PPP1R9A: variants seen among roughly 807,000 people sequenced by gnomAD.
PPP1R9A encodes protein phosphatase 1 regulatory subunit 9A, also known as neurabin-1.
A neutral mutation model predicts 141.9 loss-of-function variants in PPP1R9A; 59 were observed. The ratio of observed to expected loss-of-function variants is 0.42; its 90% CI spans 0.34 to 0.52. The LOEUF is 0.52. Ranked by LOEUF, PPP1R9A falls within the 20% of genes least tolerant of loss-of-function variation. The pLI is 0.10. For synonymous variants in PPP1R9A, 500 were observed against 569.7 expected, an observed-to-expected ratio of 0.88 and a Z score of 1.74; for missense variants, 1,444 against 1,611.9, an observed-to-expected ratio of 0.90 and a Z score of 1.78.
chr7:95,157,741 T>G (rs142768755), intron 4 of PPP1R9A, among the ~76,000 whole-genome samples: 1 of 152,362 alleles, frequency 6.6e-6, no homozygotes, highest in African/African-American at 2.4e-5. Context: ...AAGAATATGT[T>G]GCCCTACTTT....
chr7:94,998,498 A>G (rs189085474), intron 2 of PPP1R9A, among the ~76,000 whole-genome samples: 26 of 152,206 alleles, frequency 1.7e-4, no homozygotes, highest in Admixed American at 5.2e-4. Flanking sequence ...TTTCTTAGTC[A>G]GCTTGATTTT....
chr7:95,061,910 G>T (rs1233149703), intron 2 of PPP1R9A, among the ~76,000 whole-genome samples: 2 of 152,124 alleles, frequency 1.3e-5, no homozygotes, highest in African/African-American at 4.8e-5. Context: ...GGCTAATGAA[G>T]ATATAATTTG....
chr7:94,968,734 T>C (rs1452951297), intron 2 of PPP1R9A, among the ~76,000 whole-genome samples: 1 of 152,094 alleles, frequency 6.6e-6, no homozygotes, highest in South Asian at 2.1e-4. Context: ...CTAAAGAGTG[T>C]TTTCCAGCTT....
chr7:95,288,242 T>C (rs183448551), intron 18 of PPP1R9A, among the ~76,000 whole-genome samples: 6 of 152,370 alleles, frequency 3.9e-5, no homozygotes, highest in Admixed American at 3.3e-4. Flanking sequence ...CATCTTATAA[T>C]CTGTCCAGAC....
At chr7:95,081,056 A>G (rs1815745673) in intron 2 of PPP1R9A, among the ~76,000 whole-genome samples, 2 of 152,230 alleles carry the variant, frequency 1.3e-5, no homozygotes, top group Admixed American at 6.5e-5. Context: ...ACTAGAATCA[A>G]TTAATTCAGA....
intron 12 of PPP1R9A, 122 bp downstream of exon 12, chr7:95,252,252 A>G: frequency 9.0e-7 from 1 of 1,114,212 alleles, no homozygotes; most frequent in Non-Finnish European, 1.2e-6. Flanking sequence ...GAAAGAAGAA[A>G]AGGCTTATCA....
Position 95,192,780 on chromosome 7 carries a change from C to G in PPP1R9A, c.1755-5569C>G, listed in dbSNP as rs572526603. On this transcript the variant is annotated intron_variant, in intron 5 of 19. Coordinates refer to ENST00000433360, the MANE Select transcript of PPP1R9A (RefSeq NM_001166160.2). ...TAACTCCTAAGTTGTACTATCATAGCATACCCATACTCTGAATTCATAACT... is the reference window on the plus strand; with the variant it reads ...TAACTCCTAAGTTGTACTATCATAGGATACCCATACTCTGAATTCATAACT... 8.1e-4 allele frequency among the ~76,000 whole-genome samples: 124 copies of G among 152,154 alleles called. 1 individual carries two copies. The highest frequency in any genetic ancestry group is 1.3e-3 in the Non-Finnish European group (91 of 67,920).
At position 95,295,218 on chromosome 7, in the gene PPP1R9A, C is replaced by T. The variant is rs139456870; in HGVS notation, c.*4915C>T. On this transcript the variant is annotated 3_prime_UTR_variant, in exon 20 of 20. Coordinates refer to ENST00000433360, the MANE Select transcript of PPP1R9A (RefSeq NM_001166160.2). ...GGAGCTGTAATCATAGCCTTATTGC[C>T]ACTTCTTGCGTTGTGTATACATTGA... 2 of 152,634 alleles carry T rather than the reference C, an allele frequency of 1.3e-5. No individual in the cohort carries two copies. The highest frequency in any genetic ancestry group is 1.9e-4 in the East Asian group (1 of 5,174). 9.5% of individuals were successfully genotyped at this position (152,634 alleles called of 1,614,324 possible). A position where few individuals can be genotyped will look rare whatever the true frequency, so the allele number is the denominator to read the frequency against.
At chr7:95,177,225 A>G (rs1360845968) in intron 5 of PPP1R9A, among the ~76,000 whole-genome samples, 3 of 152,138 alleles carry the variant, frequency 2.0e-5, no homozygotes, top group Non-Finnish European at 2.9e-5. Context: ...AGCCTCCTCA[A>G]ACAAAACAAT....
rs1281584143 is a variant in PPP1R9A, at chr7:95,291,230, C to T, written c.*927C>T. 6.6e-6 allele frequency: 1 copy of T among 152,156 alleles called. No homozygotes were observed. The highest frequency in any genetic ancestry group is 1.5e-5 in the Non-Finnish European group (1 of 68,044). 9.4% of individuals were successfully genotyped at this position (152,156 alleles called of 1,614,324 possible). A position where few individuals can be genotyped will look rare whatever the true frequency, so the allele number is the denominator to read the frequency against. ...AAGGAAACCACCATTTTCAGGTTTCCTCTCCTGGGGAACATTCTGGCTGGT... is the reference window on the plus strand; with the variant it reads ...AAGGAAACCACCATTTTCAGGTTTCTTCTCCTGGGGAACATTCTGGCTGGT... On this transcript the variant is annotated 3_prime_UTR_variant, in exon 20 of 20. Coordinates refer to ENST00000433360, the MANE Select transcript of PPP1R9A (RefSeq NM_001166160.2).
intron 2 of PPP1R9A, among the ~76,000 whole-genome samples, chr7:94,983,492 A>G (rs1800390412): frequency 1.3e-5 from 2 of 151,922 alleles, no homozygotes; most frequent in African/African-American, 4.8e-5. Flanking sequence ...TGTTTGTGTC[A>G]TCTTTTATTT....
intron 7 of PPP1R9A, among the ~76,000 whole-genome samples, chr7:95,205,517 A>G (rs1048898446): frequency 6.6e-6 from 1 of 152,206 alleles, no homozygotes; most frequent in African/African-American, 2.4e-5. Flanking sequence ...TAGTTGAATA[A>G]TTTACCAAAA....
intron 2 of PPP1R9A, among the ~76,000 whole-genome samples, chr7:95,102,730 A>G (rs1818950580): frequency 6.6e-6 from 1 of 152,168 alleles, no homozygotes; most frequent in Non-Finnish European, 1.5e-5. Flanking sequence ...TGTAACTTGT[A>G]GGTGTTGTAA....
Position 94,910,915 on chromosome 7 carries a change from A to G in PPP1R9A, c.802A>G (p.Thr268Ala). The change falls in exon 2 of 20, where the codon ACA (threonine) becomes GCA (alanine). Residue 268 changes from threonine (T) to alanine (A), a missense_variant. Thr to Ala is a moderately conservative substitution (Grantham distance 58). Transcript: ENST00000433360. This position sits in a 1 kb window ranked among gnomAD's most constrained non-coding sequence, Gnocchi z 4.5. ...TCCTTCAAACAAGCGAGGTGTTGATACAGAGGATGCTCACAAGAGTAATGC... is the reference window on the plus strand; with the variant it reads ...TCCTTCAAACAAGCGAGGTGTTGATGCAGAGGATGCTCACAAGAGTAATGC... ...WPPSNKRGVD[T>A]EDAHKSNATP... is the part of the protein sequence containing the mutation. 1 of 1,614,148 alleles carries G rather than the reference A, an allele frequency of 6.2e-7. No homozygotes were observed. The highest frequency in any genetic ancestry group is 8.5e-7 in the Non-Finnish European group (1 of 1,180,016).
intron 2 of PPP1R9A, among the ~76,000 whole-genome samples, chr7:94,984,578 G>T (rs187689976): frequency 6.6e-6 from 1 of 152,214 alleles, no homozygotes; most frequent in Admixed American, 6.5e-5. Context: ...ATGTGTCCAG[G>T]AATTTATCCA....
At chr7:94,908,820 G>A (rs1486968284) in intron 1 of PPP1R9A, among the ~76,000 whole-genome samples, 2 of 152,174 alleles carry the variant, frequency 1.3e-5, no homozygotes, top group Non-Finnish European at 2.9e-5. Context: ...ACACTCCAAA[G>A]CCTTTCTTGT....
intron 2 of PPP1R9A, among the ~76,000 whole-genome samples, chr7:94,998,239 A>G (rs1802435223): frequency 6.6e-6 from 1 of 152,204 alleles, no homozygotes; most frequent in Non-Finnish European, 1.5e-5. Flanking sequence ...TTAAAACTTC[A>G]TCTGCTCTCA....
chr7:94,956,799 C>T (rs1385188712), intron 2 of PPP1R9A, among the ~76,000 whole-genome samples: 1 of 152,106 alleles, frequency 6.6e-6, no homozygotes, highest in African/African-American at 2.4e-5. Context: ...GGCTCAGTGC[C>T]TACCCATAGT....
chr7:95,057,210 G>A (rs1019399142), intron 2 of PPP1R9A, among the ~76,000 whole-genome samples: 1 of 151,912 alleles, frequency 6.6e-6, no homozygotes, highest in African/African-American at 2.4e-5. Flanking sequence ...TAATTTGGGG[G>A]ATTTCAAATA....
Sources: gnomAD v4.1 joint callset for allele counts (sites outside exome capture counted in the v4.1 genomes callset) on GRCh38, gnomAD v4.1.1 for gene constraint, Gnocchi (gnomAD v3.1) non-coding constraint, MANE v1.5 for transcripts, NCBI Gene and HGNC (gene_info 2026-07-23, HGNC 2026-07-21) for gene names.